The following C12orf50 variants were observed in gnomAD, a reference collection of about 807,000 sequenced individuals.
C12orf50 encodes uncharacterized protein C12orf50.
In C12orf50, 35 loss-of-function variants were observed where a neutral mutation model predicts 61.6. That is an observed-to-expected ratio of 0.57 (90% CI 0.43 to 0.75). The LOEUF (loss-of-function observed/expected upper bound fraction) is 0.75, where lower values mean the gene tolerates loss of function less well. Ranked by LOEUF, C12orf50 falls within the 30% of genes least tolerant of loss-of-function variation. The pLI, the probability that C12orf50 is intolerant of heterozygous loss-of-function variation, is 0.00. For missense variants in C12orf50, 475 were observed against 488.5 expected (o/e 0.97, Z 0.26); for synonymous variants, 178 against 161.5 (o/e 1.10, Z -0.77).
chr12:88,003,334 G>A (rs1439767722), intron 3 of C12orf50, among the ~76,000 whole-genome samples: 1 of 151,794 alleles, frequency 6.6e-6, no homozygotes, highest in Non-Finnish European at 1.5e-5. Flanking sequence ...TTTAAAATCA[G>A]ATTATAGAAG....
At chr12:87,998,589 T>G (rs573633858) in intron 3 of C12orf50, among the ~76,000 whole-genome samples, 52 of 152,310 alleles carry the variant, frequency 3.4e-4, no homozygotes, top group African/African-American at 1.2e-3. Flanking sequence ...GTATTTGGTA[T>G]GGCAATATTT....
chr12:87,991,762 G>C (rs2031133950), intron 7 of C12orf50, among the ~76,000 whole-genome samples: 1 of 152,188 alleles, frequency 6.6e-6, no homozygotes, highest in African/African-American at 2.4e-5. Context: ...TAAGGATACA[G>C]AGCAAGCTAA....
intron 3 of C12orf50, among the ~76,000 whole-genome samples, chr12:88,006,226 C>A (rs188600740): frequency 5.9e-5 from 9 of 152,172 alleles, no homozygotes; most frequent in Non-Finnish European, 1.2e-4. Context: ...CAAAAGAACT[C>A]TTTTTAACTG....
chr12:88,014,282 C>CT (rs751618223), intron 3 of C12orf50, among the ~76,000 whole-genome samples: 1 of 144,872 alleles, frequency 6.9e-6, no homozygotes, highest in Non-Finnish European at 1.5e-5. Flanking sequence ...TTGTGAGATA[C>CT]TTTTTTTAAT....
intron 2 of C12orf50, 120 bp from the exon 3 acceptor site, chr12:88,026,728 T>C: frequency 7.3e-7 from 1 of 1,374,518 alleles, no homozygotes; most frequent in Admixed American, 2.3e-5. Flanking sequence ...TTTAGGATCA[T>C]GTGTGTCTTC....
chr12:87,998,247 T>A, intron 3 of C12orf50, 57 bp from the exon 4 acceptor site: 2 of 1,399,702 alleles, frequency 1.4e-6, no homozygotes, highest in South Asian at 2.9e-5. Flanking sequence ...GATAAGTAGA[T>A]GTAACAATCA....
intron 8 of C12orf50, 38 bp from the exon 9 acceptor site, chr12:87,988,004 A>G: frequency 7.2e-7 from 1 of 1,380,496 alleles, no homozygotes; most frequent in Non-Finnish European, 1.0e-6. Flanking sequence ...TGTCAATATT[A>G]GTTTTTAAAA....
In C12orf50 at chr12:87,985,843, A is replaced by G. The variant is rs752880818; in HGVS notation, c.1126+7T>C. On this transcript the variant is annotated splice_region_variant and intron_variant, in intron 11 of 12. Transcript: ENST00000298699. ...CAAGAGTAAACCACATCAACAAAGG[A>G]CCTCACCTGGACTGAGGTTGGGTTT... The G allele has an allele frequency of 1.1e-5, 17 of 1,611,692 alleles. No individual in the cohort carries two copies. In the African/African-American group the frequency reaches 1.9e-4, roughly 18 times the overall value.
chr12:88,016,459 G>T (rs1409036208), intron 3 of C12orf50, among the ~76,000 whole-genome samples: 2 of 152,136 alleles, frequency 1.3e-5, no homozygotes, highest in Non-Finnish European at 1.5e-5. Context: ...GAAATATTAG[G>T]TCTGCCAGGA....
intron 3 of C12orf50, among the ~76,000 whole-genome samples, chr12:88,008,618 AT>A (rs1241850475): frequency 6.6e-6 from 1 of 152,068 alleles, no homozygotes; most frequent in African/African-American, 2.4e-5. Flanking sequence ...TTGCTTAAGC[AT>A]TTTTTACCTA....
rs760669894 is a variant in C12orf50, at chr12:87,994,757, G to GA, written c.482-15dup. The GA allele has an allele frequency of 3.1e-5, 48 of 1,526,968 alleles. No homozygotes were observed. Among genetic ancestry groups the GA allele is most frequent in the African/African-American group, 2.6e-4 (19 of 71,792 alleles). 94.6% of individuals were successfully genotyped at this position (1,526,968 alleles called of 1,614,324 possible). A position where few individuals can be genotyped will look rare whatever the true frequency, so the allele number is the denominator to read the frequency against. On this transcript the variant is annotated splice_polypyrimidine_tract_variant and intron_variant, in intron 6 of 12. Transcript: ENST00000298699. ...TAAGACTATCTCCTAGAAATAAGAA[G>GA]AAAAAAAAGTCACCCCAGAAATTAT... is the stretch of plus-strand genomic sequence containing the variant.
At chr12:87,989,932 T>C (rs898338924) in intron 7 of C12orf50, among the ~76,000 whole-genome samples, 1 of 152,014 alleles carries the variant, frequency 6.6e-6, no homozygotes, top group Admixed American at 6.6e-5. Flanking sequence ...ATTCATGGAG[T>C]AATTTTCTAG....
chr12:88,013,743 A>G (rs765590761), intron 3 of C12orf50, among the ~76,000 whole-genome samples: 6 of 152,250 alleles, frequency 3.9e-5, no homozygotes, highest in African/African-American at 1.2e-4. Context: ...TATTCTTGCA[A>G]ATTTTCTGTA....
chr12:88,026,357 T>A, intron 3 of C12orf50, 131 bp downstream of exon 3: 1 of 1,005,800 alleles, frequency 9.9e-7, no homozygotes, highest in South Asian at 1.9e-5. Flanking sequence ...GTAGAATCAT[T>A]CCAAATTACC....
At position 88,007,362 on chromosome 12, in the gene C12orf50, G is replaced by C. The variant is rs542268155; in HGVS notation, c.134-9172C>G. 4.6e-5 allele frequency among the ~76,000 whole-genome samples: 7 copies of C among 152,316 alleles called. No homozygotes were observed. In the South Asian group the frequency reaches 1.4e-3, roughly 32 times the overall value. The stretch of plus-strand genomic sequence containing the variant: ...AACAACCTGCTCGTTCTGAATATTA[G>C]TTTTTAGCAAGTGTCTTAGTCCATT... On this transcript the variant is annotated intron_variant, in intron 3 of 12. Coordinates refer to ENST00000298699, the MANE Select transcript of C12orf50 (RefSeq NM_152589.3).
At position 87,986,270 on chromosome 12, in the gene C12orf50, T is replaced by C. The variant is rs752644415; in HGVS notation, c.922+42A>G. 6.4e-6 allele frequency: 9 copies of C among 1,415,840 alleles called. No homozygotes were observed. In the South Asian group the frequency reaches 1.0e-4, roughly 16 times the overall value. The allele number at this position is 1,415,840 out of a possible 1,614,324, so 87.7% of individuals were successfully genotyped here. A position where few individuals can be genotyped will look rare whatever the true frequency, so the allele number is the denominator to read the frequency against. On this transcript the variant is annotated intron_variant, in intron 10 of 12. Coordinates refer to ENST00000298699, the MANE Select transcript of C12orf50 (RefSeq NM_152589.3). Reference sequence around the variant, plus strand: ...AAGATATTTGATATTTAATCTCTTTTAAAATTACAATTTAGAAATATCAAA... The same window carrying C: ...AAGATATTTGATATTTAATCTCTTTCAAAATTACAATTTAGAAATATCAAA...
chr12:88,017,315 G>A (rs1293878853), intron 3 of C12orf50, among the ~76,000 whole-genome samples: 1 of 152,130 alleles, frequency 6.6e-6, no homozygotes, highest in Non-Finnish European at 1.5e-5. Flanking sequence ...CCCTACACAA[G>A]CTCTCTCTCT....
At chr12:88,019,450 A>T (rs1289109624) in intron 3 of C12orf50, among the ~76,000 whole-genome samples, 1 of 152,302 alleles carries the variant, frequency 6.6e-6, no homozygotes, top group East Asian at 1.9e-4. Context: ...AGTCTTGGGT[A>T]TCTCTTTATC....
chr12:87,986,882 G>T (rs1235844694), intron 9 of C12orf50, among the ~76,000 whole-genome samples: 1 of 151,860 alleles, frequency 6.6e-6, no homozygotes, highest in Non-Finnish European at 1.5e-5. Flanking sequence ...TCTTAAATTG[G>T]GTGTACAGAT....
Sources: gnomAD v4.1 joint callset for allele counts (sites outside exome capture counted in the v4.1 genomes callset) on GRCh38, gnomAD v4.1.1 for gene constraint, MANE v1.5 for transcripts, NCBI Gene and HGNC (gene_info 2026-07-23, HGNC 2026-07-21) for gene names.